Variants in PTPRK observed in about 807,000 individuals in gnomAD.
The protein encoded by PTPRK is protein tyrosine phosphatase receptor type K.
A neutral mutation model predicts 178.0 loss-of-function variants in PTPRK; 75 were observed. The observed-to-expected ratio is 0.42, with a 90% CI of 0.35 to 0.51. The LOEUF (loss-of-function observed/expected upper bound fraction) is 0.51. Ranked by LOEUF, PTPRK falls within the 20% of genes least tolerant of loss-of-function variation. The pLI is 0.02. For missense variants in PTPRK, 1,441 were observed against 1,797.8 expected, an observed-to-expected ratio of 0.80 and a Z score of 3.59; for synonymous variants, 637 against 620.6, an observed-to-expected ratio of 1.03 and a Z score of -0.39.
At chr6:128,224,302 G>C (rs756457252) in intron 5 of PTPRK, among the ~76,000 whole-genome samples, 1 of 152,114 alleles carries the variant, frequency 6.6e-6, no homozygotes, top group African/African-American at 2.4e-5. Context: ...CACTTACCAA[G>C]TAACCCTGGG....
At chr6:128,124,427 T>A (rs1793001829) in intron 7 of PTPRK, among the ~76,000 whole-genome samples, 1 of 152,176 alleles carries the variant, frequency 6.6e-6, no homozygotes, top group African/African-American at 2.4e-5. Flanking sequence ...AGATATTACA[T>A]AAGGTGATAT....
intron 1 of PTPRK, among the ~76,000 whole-genome samples, chr6:128,425,882 CAT>C (rs1844071051): frequency 1.3e-5 from 2 of 152,194 alleles, no homozygotes; most frequent in Non-Finnish European, 2.9e-5. Flanking sequence ...AAAATTGTTT[CAT>C]AGCATTTCTA....
At chr6:127,997,069 G>C (rs751233278) in intron 16 of PTPRK, 81 bp from the exon 17 acceptor site, 29 of 1,403,586 alleles carry the variant, frequency 2.1e-5, no homozygotes, top group Non-Finnish European at 2.8e-5. Flanking sequence ...GCCCCAAATA[G>C]TAAAAACCAC....
In PTPRK at chr6:128,519,010, T is replaced by C. The variant is rs1486793199; in HGVS notation, c.100+1249A>G. The C allele has an allele frequency of 3.8e-6, 2 of 522,280 alleles. No individual in the cohort carries two copies. Among genetic ancestry groups the C allele is most frequent in the South Asian group, 2.9e-5 (2 of 69,078 alleles). 32.4% of individuals were successfully genotyped at this position (522,280 alleles called of 1,614,324 possible). ...AAACTGTCAGGTACAAAGTAAGTTA[T>C]TTGCGTCCTGCGGCTTCAGCCAGGA... On this transcript the variant is annotated intron_variant, in intron 1 of 29. Coordinates refer to ENST00000368226, the MANE Select transcript of PTPRK (RefSeq NM_002844.4). This position sits in a 1 kb window ranked among gnomAD's most constrained non-coding sequence, Gnocchi z 4.3.
At chr6:128,108,379 G>A (rs1359501501) in intron 7 of PTPRK, among the ~76,000 whole-genome samples, 1 of 152,050 alleles carries the variant, frequency 6.6e-6, no homozygotes, top group Non-Finnish European at 1.5e-5. Context: ...AGGCAACAAG[G>A]TACGTACTAT....
chr6:128,398,116 G>C (rs1005237142), intron 1 of PTPRK, among the ~76,000 whole-genome samples: 15 of 152,122 alleles, frequency 9.9e-5, no homozygotes, highest in African/African-American at 3.6e-4. Flanking sequence ...GAAAATGAAA[G>C]TACACTCCAC....
chr6:128,495,703 G>A (rs1020487873), intron 1 of PTPRK, among the ~76,000 whole-genome samples: 1 of 152,138 alleles, frequency 6.6e-6, no homozygotes, highest in Non-Finnish European at 1.5e-5. Flanking sequence ...TACTGAGGGC[G>A]ATACTTATGA....
At chr6:128,352,516 T>G (rs1032738084) in intron 2 of PTPRK, among the ~76,000 whole-genome samples, 3 of 152,154 alleles carry the variant, frequency 2.0e-5, no homozygotes, top group Non-Finnish European at 4.4e-5. Context: ...GACCTGCCCC[T>G]CCTATCTTCA....
chr6:128,179,615 C>G (rs1388750766), intron 7 of PTPRK, among the ~76,000 whole-genome samples: 3 of 151,806 alleles, frequency 2.0e-5, no homozygotes, highest in East Asian at 3.9e-4. Context: ...CAATTTAAAT[C>G]AAATAGTAAG....
chr6:128,482,382 C>T (rs1392238275), intron 1 of PTPRK, among the ~76,000 whole-genome samples: 1 of 151,936 alleles, frequency 6.6e-6, no homozygotes, highest in Non-Finnish European at 1.5e-5. Flanking sequence ...GAAATGGGAG[C>T]GGCCTTAAAG....
chr6:128,199,673 C>A (rs915716986), intron 6 of PTPRK, among the ~76,000 whole-genome samples: 1 of 152,138 alleles, frequency 6.6e-6, no homozygotes, highest in East Asian at 1.9e-4. Context: ...CAAGGGCCAA[C>A]CCCCGCAAGG....
intron 1 of PTPRK, among the ~76,000 whole-genome samples, chr6:128,495,278 C>T (rs968938873): frequency 6.6e-6 from 1 of 152,110 alleles, no homozygotes. Flanking sequence ...TTTTAAATGA[C>T]TACATTTTAA....
In PTPRK at chr6:128,036,221, A is replaced by G. The variant is rs568977863; in HGVS notation, c.2195-26953T>C. ...AGGGCTGTGAGAGAATGAGCCCAATAAGACTACTGAGTTTTATATGGATTC... is the reference window on the plus strand; with the variant it reads ...AGGGCTGTGAGAGAATGAGCCCAATGAGACTACTGAGTTTTATATGGATTC... On this transcript the variant is annotated intron_variant, in intron 13 of 29. Coordinates refer to ENST00000368226, the MANE Select transcript of PTPRK (RefSeq NM_002844.4). Among the ~76,000 whole-genome samples, 3 of 152,280 alleles carry G rather than the reference A, an allele frequency of 2.0e-5. No individual in the cohort carries two copies. The South Asian group carries it at 6.2e-4, about 32-fold the overall frequency.
At chr6:128,115,838 C>A (rs1411640318) in intron 7 of PTPRK, among the ~76,000 whole-genome samples, 1 of 151,932 alleles carries the variant, frequency 6.6e-6, no homozygotes, top group African/African-American at 2.4e-5. Context: ...AAGTGAATTT[C>A]CTATTAAATA....
intron 3 of PTPRK, among the ~76,000 whole-genome samples, chr6:128,245,200 G>A (rs1269991082): frequency 1.3e-5 from 2 of 152,108 alleles, no homozygotes; most frequent in Non-Finnish European, 2.9e-5. Context: ...TGGTGAAGCC[G>A]GGAATGGCCT....
chr6:128,164,812 T>A (rs1319735911), intron 7 of PTPRK, among the ~76,000 whole-genome samples: 1 of 150,988 alleles, frequency 6.6e-6, no homozygotes, highest in Non-Finnish European at 1.5e-5. Flanking sequence ...AAAATATACA[T>A]TATATGGAAT....
At chr6:128,284,433 T>C (rs568849078) in intron 3 of PTPRK, among the ~76,000 whole-genome samples, 1 of 152,352 alleles carries the variant, frequency 6.6e-6, no homozygotes, top group African/African-American at 2.4e-5. Context: ...TTATAGATAC[T>C]GACCCATGTG....
At chr6:128,333,145 A>T (rs1830486954) in intron 2 of PTPRK, among the ~76,000 whole-genome samples, 1 of 152,230 alleles carries the variant, frequency 6.6e-6, no homozygotes, top group South Asian at 2.1e-4. Flanking sequence ...CAAAAGATCC[A>T]AGATTGAAAT....
At chr6:128,478,247 T>C (rs1420915792) in intron 1 of PTPRK, among the ~76,000 whole-genome samples, 1 of 151,864 alleles carries the variant, frequency 6.6e-6, no homozygotes, top group Non-Finnish European at 1.5e-5. Context: ...TTCCTAACTC[T>C]TGTTTTCTGA....
Sources: gnomAD v4.1 joint callset for allele counts (sites outside exome capture counted in the v4.1 genomes callset) on GRCh38, gnomAD v4.1.1 for gene constraint, Gnocchi (gnomAD v3.1) non-coding constraint, MANE v1.5 for transcripts, NCBI Gene and HGNC (gene_info 2026-07-23, HGNC 2026-07-21) for gene names.